Variants in RARS1 observed in about 807,000 individuals in gnomAD.
RARS1 encodes the protein arginine--tRNA ligase, cytoplasmic.
In RARS1, 75 loss-of-function variants were observed where a neutral mutation model predicts 78.7. That is an observed-to-expected ratio of 0.95 (90% CI 0.79 to 1.15). The LOEUF (loss-of-function observed/expected upper bound fraction) is 1.15. RARS1 is among the 50% of genes most tolerant of loss of function. The probability of loss-of-function intolerance (pLI) is 0.00; values close to 1 mark genes in which losing one functional copy is unlikely to be tolerated. For missense variants in RARS1, 787 were observed against 787.5 expected (o/e 1.00, Z 0.01); for synonymous variants, 273 against 268.2 (o/e 1.02, Z -0.18).
intron 12 of RARS1, among the ~76,000 whole-genome samples, chr5:168,511,394 C>T (rs1470431237): frequency 1.3e-5 from 2 of 151,926 alleles, no homozygotes; most frequent in African/African-American, 4.8e-5. Flanking sequence ...AGGCACTTCA[C>T]ATGGCTAAAG....
chr5:168,494,272 G>A (rs1179866790), intron 4 of RARS1: 15 of 985,222 alleles, frequency 1.5e-5, no homozygotes, highest in African/African-American at 7.0e-5. Flanking sequence ...ATAAGTCTTC[G>A]GCACAAGGGC....
chr5:168,496,201 A>G (rs1758181331), intron 6 of RARS1, among the ~76,000 whole-genome samples: 1 of 151,794 alleles, frequency 6.6e-6, no homozygotes, highest in African/African-American at 2.4e-5. Flanking sequence ...CAACATGGTG[A>G]AACCCTGTCT....
intron 7 of RARS1, chr5:168,498,137 G>T (rs1337375591): frequency 1.3e-5 from 2 of 152,028 alleles, no homozygotes; most frequent in Non-Finnish European, 2.9e-5. Context: ...AGACTGAGGA[G>T]GGATAATCGC....
At chr5:168,497,052 A>G in intron 6 of RARS1, 176 bp from the exon 7 acceptor site, 1 of 452,770 alleles carries the variant, frequency 2.2e-6, no homozygotes, top group Non-Finnish European at 3.7e-6. Context: ...CATAGTTTTC[A>G]TCTCTTGTGG....
In RARS1 at chr5:168,506,166, A is replaced by G; in HGVS notation, c.1203A>G (p.Ala401=). 1 of 1,581,340 alleles carries G rather than the reference A, an allele frequency of 6.3e-7. No homozygotes were observed. The highest frequency in any genetic ancestry group is 1.2e-5 in the South Asian group (1 of 85,556). Residue 401 remains alanine, a synonymous_variant, in exon 10 of 15, where the codon GCA becomes GCG. Transcript: ENST00000231572. ...AACAAAGACTATTTGAGGAAAAAGCAGATATGATTATCTATGTTGTGGACA... is the reference window on the plus strand; with the variant it reads ...AACAAAGACTATTTGAGGAAAAAGCGGATATGATTATCTATGTTGTGGACA... ...AIKQRLFEEK[A]DMIIYVVDNG... is the part of the protein sequence containing the mutation.
intron 4 of RARS1, chr5:168,494,330 A>C (rs1016453236): frequency 1.0e-6 from 1 of 985,290 alleles, no homozygotes; most frequent in Non-Finnish European, 1.2e-6. Flanking sequence ...TGAAAGTGAA[A>C]GGGCCCTGAG....
Position 168,500,136 on chromosome 5 carries a change from G to A in RARS1, c.823-455G>A, listed in dbSNP as rs1035439650. On this transcript the variant is annotated intron_variant, in intron 7 of 14. Transcript: ENST00000231572. Reference sequence around the variant, plus strand: ...CGGGACACGGAGGTTGCAGTGAGCCGAAATCATGCCACTCCAGCCACTCCA... The same window carrying A: ...CGGGACACGGAGGTTGCAGTGAGCCAAAATCATGCCACTCCAGCCACTCCA... Among the ~76,000 whole-genome samples the A allele has an allele frequency of 6.0e-4, 70 of 116,824 alleles. No homozygotes were observed. The South Asian group carries it at 0.019, about 32-fold the overall frequency. The allele number at this position is 116,824 out of a possible 152,430, so 76.6% of individuals were successfully genotyped here.
intron 2 of RARS1, among the ~76,000 whole-genome samples, chr5:168,489,501 A>G (rs1582425818): frequency 6.6e-6 from 1 of 152,258 alleles, no homozygotes; most frequent in East Asian, 1.9e-4. Flanking sequence ...GGTTTTTTCC[A>G]CCTGGTATTT....
chr5:168,500,753 A>C (rs760334715), intron 8 of RARS1, 33 bp downstream of exon 8: 1 of 1,601,224 alleles, frequency 6.2e-7, no homozygotes, highest in South Asian at 1.1e-5. Flanking sequence ...TTCGTCCAGC[A>C]AATACTATGT....
intron 9 of RARS1, among the ~76,000 whole-genome samples, chr5:168,504,860 G>A (rs1758405659): frequency 6.6e-6 from 1 of 152,072 alleles, no homozygotes; most frequent in South Asian, 2.1e-4. Flanking sequence ...GATCGTGCAT[G>A]CCTGTGGTGA....
intron 7 of RARS1, among the ~76,000 whole-genome samples, chr5:168,499,239 A>G (rs1174818459): frequency 6.6e-6 from 1 of 151,842 alleles, no homozygotes; most frequent in Non-Finnish European, 1.5e-5. Flanking sequence ...CAAGCCTGGC[A>G]AGGTCAAGGC....
intron 9 of RARS1, among the ~76,000 whole-genome samples, chr5:168,505,221 T>C (rs12519228): frequency 0.06 from 9,173 of 152,160 alleles, 622 homozygotes; most frequent in Admixed American, 0.19. Flanking sequence ...ATTTACTGCA[T>C]AGGGTTATTT....
intron 7 of RARS1, among the ~76,000 whole-genome samples, 195 bp downstream of exon 7, chr5:168,497,543 A>G (rs1216886750): frequency 6.6e-6 from 1 of 152,100 alleles, no homozygotes; most frequent in Admixed American, 6.6e-5. Flanking sequence ...GTAATTTATA[A>G]AGACGTTTAA....
chr5:168,513,221 A>ATTT (rs35468758), intron 12 of RARS1, among the ~76,000 whole-genome samples: 1 of 91,814 alleles, frequency 1.1e-5, no homozygotes, highest in African/African-American at 4.1e-5. Context: ...AATTTTTTGT[A>ATTT]TTTTTTTTTT....
chr5:168,494,672 A>T, intron 5 of RARS1, 22 bp downstream of exon 5: 1 of 1,452,206 alleles, frequency 6.9e-7, no homozygotes, highest in Non-Finnish European at 9.7e-7. Flanking sequence ...CTCTTCTATT[A>T]ATATATTAGT....
chr5:168,507,079 G>C (rs577926136), intron 11 of RARS1, among the ~76,000 whole-genome samples: 1 of 152,228 alleles, frequency 6.6e-6, no homozygotes, highest in South Asian at 2.1e-4. Flanking sequence ...TATATATAAG[G>C]GGTTTCCTCT....
intron 9 of RARS1, among the ~76,000 whole-genome samples, chr5:168,502,346 A>G (rs867767870): frequency 6.9e-6 from 1 of 145,682 alleles, no homozygotes; most frequent in African/African-American, 2.5e-5. Context: ...AAACCGCAAT[A>G]TCATTATAAT....
intron 11 of RARS1, among the ~76,000 whole-genome samples, chr5:168,510,134 A>G (rs2290627): frequency 0.17 from 26,365 of 152,246 alleles, 2,812 homozygotes; most frequent in Admixed American, 0.3. Context: ...CAAAGAATTT[A>G]CTGACTTTCT....
At chr5:168,488,437 T>A (rs1242881875) in intron 1 of RARS1, among the ~76,000 whole-genome samples, 165 bp from the exon 2 acceptor site, 1 of 152,220 alleles carries the variant, frequency 6.6e-6, no homozygotes, top group Non-Finnish European at 1.5e-5. Context: ...CAATATTTTC[T>A]TATTAAGGAT....
Sources: allele counts gnomAD v4.1 joint callset (sites outside exome capture counted in the v4.1 genomes callset), GRCh38; gene constraint gnomAD v4.1.1; transcripts MANE v1.5; gene names NCBI Gene and HGNC (gene_info 2026-07-23, HGNC 2026-07-21).